SEL1L3: variants seen among roughly 807,000 people sequenced by gnomAD.
The protein encoded by SEL1L3 is protein sel-1 homolog 3.
Under a neutral mutation model 142.8 loss-of-function variants are expected in SEL1L3, and 76 were observed. The ratio of observed to expected loss-of-function variants is 0.53; its 90% CI spans 0.44 to 0.64. SEL1L3 has a LOEUF of 0.64. SEL1L3 is among the 30% of genes least tolerant of loss of function. SEL1L3 has a pLI of 0.00. For missense variants in SEL1L3, 1,262 were observed against 1,381.7 expected (o/e 0.91, Z 1.37); for synonymous variants, 504 against 519.6 (o/e 0.97, Z 0.41).
intron 6 of SEL1L3, among the ~76,000 whole-genome samples, chr4:25,823,880 A>G (rs1329082764): frequency 6.6e-6 from 1 of 152,140 alleles, no homozygotes; most frequent in African/African-American, 2.4e-5. Context: ...CGAGGGATGG[A>G]CTGTCTGTTA....
chr4:25,756,610 T>C (rs975223063), intron 23 of SEL1L3: 1 of 956,196 alleles, frequency 1.0e-6, no homozygotes, highest in African/African-American at 1.8e-5. Flanking sequence ...ATACAGCTAA[T>C]GAGTAGCCAA....
At chr4:25,761,547 T>A (rs1363741005) in intron 20 of SEL1L3, among the ~76,000 whole-genome samples, 2 of 152,192 alleles carry the variant, frequency 1.3e-5, no homozygotes, top group Non-Finnish European at 2.9e-5. Context: ...TCGTATGCAA[T>A]GTAATAGCTT....
At chr4:25,715,784 C>A in the SEL1L3 span, among the ~76,000 whole-genome samples, 21 of 146,596 alleles carry the variant, frequency 1.4e-4, no homozygotes, top group East Asian at 3.9e-3. Flanking sequence ...GGAATAATCT[C>A]CAGGTTATAT....
chr4:25,758,221 A>T (rs1413384641), intron 21 of SEL1L3, among the ~76,000 whole-genome samples: 2 of 152,216 alleles, frequency 1.3e-5, no homozygotes, highest in East Asian at 3.8e-4. Flanking sequence ...CCGTAATCCC[A>T]GCACTTAGGG....
chr4:25,772,810 T>TA (rs1440927074), intron 17 of SEL1L3, among the ~76,000 whole-genome samples: 5 of 152,144 alleles, frequency 3.3e-5, no homozygotes, highest in African/African-American at 4.8e-5. Context: ...TTTATTTATT[T>TA]TTTTTGAAAG....
At chr4:25,840,999 C>T (rs1387539484) in intron 2 of SEL1L3, among the ~76,000 whole-genome samples, 1 of 151,980 alleles carries the variant, frequency 6.6e-6, no homozygotes, top group Non-Finnish European at 1.5e-5. Flanking sequence ...CCTGAAAGCT[C>T]AATGTCCTTC....
Position 25,818,156 on chromosome 4 carries a change from C to T in SEL1L3, c.1546G>A (p.Glu516Lys). ...KHPSLFQALL[E>K]MDLLTVPRNQ... ...CAATTACCGGTCAGCAGATCCATCT[C>T]CAGCAATGCCTGGAACAAGCTGGGG... is the stretch of plus-strand genomic sequence containing the variant. The change falls in exon 9 of 24, where the codon GAG becomes AAG. Residue 516 changes from glutamate (E) to lysine (K), a missense_variant. Coordinates refer to ENST00000399878, the MANE Select transcript of SEL1L3 (RefSeq NM_015187.5). 1 of 1,611,692 alleles carries T rather than the reference C, an allele frequency of 6.2e-7. No individual in the cohort carries two copies. Among genetic ancestry groups the T allele is most frequent in the East Asian group, 2.2e-5 (1 of 44,846 alleles).
chr4:25,768,439 A>T (rs911303732), intron 17 of SEL1L3, among the ~76,000 whole-genome samples: 1 of 152,216 alleles, frequency 6.6e-6, no homozygotes, highest in Admixed American at 6.5e-5. Context: ...ATTTGGAATA[A>T]TGGCAAAAGC....
chr4:25,821,469 G>A lies in SEL1L3; in HGVS notation c.1290+527C>T, dbSNP rs147794946. On this transcript the variant is annotated intron_variant, in intron 7 of 23. Coordinates refer to ENST00000399878, the MANE Select transcript of SEL1L3 (RefSeq NM_015187.5). ...GCGTTGGACAGTTCCATTCGGGGGC[G>A]GGTTATGGATGTGGAAGGCACTGTG... is the stretch of plus-strand genomic sequence containing the variant. Among the ~76,000 whole-genome samples the A allele has an allele frequency of 9.2e-3, 1,403 of 152,306 alleles. 24 individuals carry two copies. The highest frequency in any genetic ancestry group is 0.032 in the African/African-American group (1,311 of 41,556).
downstream of SEL1L3, among the ~76,000 whole-genome samples, chr4:25,745,372 G>A (rs1261461904): frequency 6.6e-6 from 1 of 151,474 alleles, no homozygotes; most frequent in Non-Finnish European, 1.5e-5. Context: ...TCCAGTTTGG[G>A]TGACAGAGCG....
intron 23 of SEL1L3, among the ~76,000 whole-genome samples, chr4:25,755,595 C>A (rs1478172389): frequency 1.3e-5 from 2 of 151,794 alleles, no homozygotes; most frequent in African/African-American, 4.8e-5. Context: ...GAGAAAATGA[C>A]GAAAATGTAT....
intron 13 of SEL1L3, among the ~76,000 whole-genome samples, chr4:25,786,575 A>G (rs1419683524): frequency 6.6e-6 from 1 of 151,846 alleles, no homozygotes; most frequent in Admixed American, 6.6e-5. Flanking sequence ...ATCGGCCTCC[A>G]CTCTGGTGGA....
At chr4:25,782,046 A>G (rs1720035914) in intron 15 of SEL1L3, among the ~76,000 whole-genome samples, 196 bp downstream of exon 15, 1 of 152,094 alleles carries the variant, frequency 6.6e-6, no homozygotes, top group Non-Finnish European at 1.5e-5. Context: ...GGGTCATGCC[A>G]TTTGCCACAC....
At chr4:25,826,900 G>A (rs1715131902) in intron 6 of SEL1L3, among the ~76,000 whole-genome samples, 3 of 152,060 alleles carry the variant, frequency 2.0e-5, no homozygotes, top group Admixed American at 1.3e-4. Context: ...CTGGACTTAA[G>A]TGATCTGCCT....
chr4:25,789,703 T>C (rs1712155302), intron 12 of SEL1L3, among the ~76,000 whole-genome samples: 1 of 151,826 alleles, frequency 6.6e-6, no homozygotes. Flanking sequence ...CCCCAGAGAC[T>C]CTTCCCGATG....
the SEL1L3 span, among the ~76,000 whole-genome samples, chr4:25,738,927 T>C: frequency 2.2e-4 from 34 of 152,242 alleles, no homozygotes; most frequent in East Asian, 2.9e-3. Context: ...GGAGGTTGGC[T>C]GGGCACAGTG....
Position 25,849,454 on chromosome 4 carries a change from G to A in SEL1L3, c.163-1590C>T, listed in dbSNP as rs115090921. On this transcript the variant is annotated intron_variant, in intron 1 of 23. Transcript: ENST00000399878. ...CAAGAGAACAGACATTATATCATCC[G>A]CCTACATGAAGCACCTAGAGTAGTC... Among the ~76,000 whole-genome samples the A allele has an allele frequency of 7.0e-3, 1,070 of 152,304 alleles. 11 individuals carry two copies. Among genetic ancestry groups the A allele is most frequent in the African/African-American group, 0.02 (821 of 41,556 alleles).
At chr4:25,839,655 A>G (rs1347677354) in intron 2 of SEL1L3, among the ~76,000 whole-genome samples, 1 of 152,230 alleles carries the variant, frequency 6.6e-6, no homozygotes, top group Non-Finnish European at 1.5e-5. Flanking sequence ...CTAGAAGGAA[A>G]CACAAGAAAC....
At chr4:25,751,044 T>G (rs1717558007) in intron 23 of SEL1L3, among the ~76,000 whole-genome samples, 1 of 152,184 alleles carries the variant, frequency 6.6e-6, no homozygotes, top group Non-Finnish European at 1.5e-5. Flanking sequence ...AATAGTGACT[T>G]CTATTTTCCA....
Sources: allele counts gnomAD v4.1 joint callset (sites outside exome capture counted in the v4.1 genomes callset), GRCh38; gene constraint gnomAD v4.1.1; transcripts MANE v1.5; gene names NCBI Gene and HGNC (gene_info 2026-07-23, HGNC 2026-07-21).